UBE2QL1: variants seen among roughly 807,000 people sequenced by gnomAD.
UBE2QL1 encodes the protein ubiquitin-conjugating enzyme E2Q-like protein 1.
Under a neutral mutation model 12.6 loss-of-function variants are expected in UBE2QL1, and 5 were observed. The ratio of observed to expected loss-of-function variants is 0.40; its 90% confidence interval spans 0.21 to 0.83. The LOEUF (loss-of-function observed/expected upper bound fraction) is 0.83. Ranked by LOEUF, UBE2QL1 falls within the 40% of genes least tolerant of loss-of-function variation. The pLI, the probability that UBE2QL1 is intolerant of heterozygous loss-of-function variation, is 0.37. For synonymous variants in UBE2QL1, 96 were observed against 94.5 expected (o/e 1.02, Z -0.10); for missense variants, 99 against 222.6 (o/e 0.44, Z 3.53).
intron 1 of UBE2QL1, among the ~76,000 whole-genome samples, chr5:6,470,862 A>G (rs1739900618): frequency 6.6e-6 from 1 of 152,182 alleles, no homozygotes; most frequent in African/African-American, 2.4e-5. Flanking sequence ...AACACCCTCC[A>G]TATTGATTGG....
At chr5:6,489,214 C>A (rs1262212725) in intron 1 of UBE2QL1, among the ~76,000 whole-genome samples, 1 of 152,076 alleles carries the variant, frequency 6.6e-6, no homozygotes, top group African/African-American at 2.4e-5. Flanking sequence ...CACTTGAGAC[C>A]AGGAGTCCAA....
Position 6,480,889 on chromosome 5 carries a change from C to T in UBE2QL1, c.355-10329C>T, listed in dbSNP as rs117697141. Among the ~76,000 whole-genome samples the T allele has an allele frequency of 2.2e-4, 33 of 152,194 alleles. No individual in the cohort carries two copies. The East Asian group carries it at 4.8e-3, about 22-fold the overall frequency. ...TCTGAGTGCCGGCATTTCCTAATAC[C>T]CTGCTTGACGTCTGTGGGGTGGCAA... On this transcript the variant is annotated intron_variant, in intron 1 of 1. Coordinates refer to ENST00000399816, the MANE Select transcript of UBE2QL1 (RefSeq NM_001145161.3).
intron 1 of UBE2QL1, among the ~76,000 whole-genome samples, chr5:6,485,148 C>T (rs1326300409): frequency 2.0e-5 from 3 of 152,194 alleles, no homozygotes; most frequent in South Asian, 4.2e-4. Flanking sequence ...ATGCATTACT[C>T]GTGCACATGC....
At chr5:6,483,445 G>GA (rs36031775) in intron 1 of UBE2QL1, among the ~76,000 whole-genome samples, 66 of 145,412 alleles carry the variant, frequency 4.5e-4, no homozygotes, top group South Asian at 4.4e-4. Flanking sequence ...TCTAAAATAA[G>GA]AAAAAAAAAA....
chr5:6,468,402 C>A (rs995907718), intron 1 of UBE2QL1, among the ~76,000 whole-genome samples: 1 of 152,112 alleles, frequency 6.6e-6, no homozygotes, highest in African/African-American at 2.4e-5. Context: ...AGAGGGCAAC[C>A]GGCAAAGTGA....
chr5:6,488,186 A>C (rs1158944331), intron 1 of UBE2QL1, among the ~76,000 whole-genome samples: 1 of 152,230 alleles, frequency 6.6e-6, no homozygotes, highest in Non-Finnish European at 1.5e-5. Context: ...ACTAAGCACT[A>C]GGGCTTTCTG....
At chr5:6,457,552 T>G (rs1480816911) in intron 1 of UBE2QL1, among the ~76,000 whole-genome samples, 1 of 135,978 alleles carries the variant, frequency 7.4e-6, no homozygotes, top group Non-Finnish European at 1.5e-5. Flanking sequence ...TTTTGCCCCT[T>G]CTTGCGATGC....
At chr5:6,449,459 T>A (rs929124741) in intron 1 of UBE2QL1, among the ~76,000 whole-genome samples, 4 of 152,040 alleles carry the variant, frequency 2.6e-5, no homozygotes, top group African/African-American at 9.7e-5. Flanking sequence ...CCGTCCCGTC[T>A]CTCCCGTCCC....
chr5:6,450,094 C>CT (rs1739383942), intron 1 of UBE2QL1, among the ~76,000 whole-genome samples: 1 of 149,736 alleles, frequency 6.7e-6, no homozygotes. Flanking sequence ...AGACCCCCCC[C>CT]CCCCACGGCA....
Position 6,476,481 on chromosome 5 carries a change from C to T in UBE2QL1, c.355-14737C>T, listed in dbSNP as rs978095885. ...GGGTCAGGGTTGCTGCAGGAAGAAGCTTTGCCAGGGCTGTGCTGTCCTGAC... is the reference window on the plus strand; with the variant it reads ...GGGTCAGGGTTGCTGCAGGAAGAAGTTTTGCCAGGGCTGTGCTGTCCTGAC... On this transcript the variant is annotated intron_variant, in intron 1 of 1. Transcript: ENST00000399816. This position sits in a 1 kb window ranked among gnomAD's most constrained non-coding sequence, Gnocchi z 4.9. Among the ~76,000 whole-genome samples the T allele has an allele frequency of 7.2e-5, 11 of 152,178 alleles. No homozygotes were observed. The highest frequency in any genetic ancestry group is 2.9e-5 in the Non-Finnish European group (2 of 68,038).
chr5:6,470,024 C>T (rs530172208), intron 1 of UBE2QL1, among the ~76,000 whole-genome samples: 8 of 152,262 alleles, frequency 5.3e-5, no homozygotes, highest in East Asian at 1.9e-4. Flanking sequence ...ACAGCGATGC[C>T]GGGGCCGCAG....
intron 1 of UBE2QL1, among the ~76,000 whole-genome samples, chr5:6,463,025 C>T (rs532980625): frequency 2.6e-5 from 4 of 152,302 alleles, no homozygotes; most frequent in South Asian, 2.1e-4. Context: ...TCCACTTCTT[C>T]GCTACTGACT....
intron 1 of UBE2QL1, among the ~76,000 whole-genome samples, chr5:6,450,936 G>A (rs1336703315): frequency 6.6e-6 from 1 of 152,222 alleles, no homozygotes; most frequent in Non-Finnish European, 1.5e-5. Flanking sequence ...CAAGCATGGG[G>A]GGTAGGGGAT....
chr5:6,449,854 C>A (rs1277241797), intron 1 of UBE2QL1, among the ~76,000 whole-genome samples: 1 of 135,152 alleles, frequency 7.4e-6, no homozygotes, highest in South Asian at 2.5e-4. Flanking sequence ...CCTAGCTGAT[C>A]TCCCACCTCC....
chr5:6,485,289 T>C (rs1474882376), intron 1 of UBE2QL1, among the ~76,000 whole-genome samples: 1 of 152,216 alleles, frequency 6.6e-6, no homozygotes, highest in Non-Finnish European at 1.5e-5. Context: ...TTCAGTGTCA[T>C]TGATCTGATT....
At chr5:6,475,104 C>A (rs1194265777) in intron 1 of UBE2QL1, among the ~76,000 whole-genome samples, 1 of 152,186 alleles carries the variant, frequency 6.6e-6, no homozygotes, top group East Asian at 1.9e-4. Flanking sequence ...GAATTATTTT[C>A]TTTAGCTATT....
In UBE2QL1 at chr5:6,493,118, C is replaced by T. The variant is rs184843234; in HGVS notation, c.*1769C>T. ...CAGTGTATTAAGAATGCAGGGCCTG[C>T]TCAGCTTCCCTGTGAGTCATAATAG... On this transcript the variant is annotated 3_prime_UTR_variant, in exon 2 of 2. Coordinates refer to ENST00000399816, the MANE Select transcript of UBE2QL1 (RefSeq NM_001145161.3). The T allele has an allele frequency of 6.6e-6, 1 of 152,368 alleles. No individual in the cohort carries two copies. The highest frequency in any genetic ancestry group is 1.9e-4 in the East Asian group (1 of 5,192). 9.4% of individuals were successfully genotyped at this position (152,368 alleles called of 1,614,324 possible).
rs1051977896 is a variant in UBE2QL1 at position 6,476,293 on chromosome 5, C to T, written c.355-14925C>T. 2.0e-5 allele frequency among the ~76,000 whole-genome samples: 3 copies of T among 152,242 alleles called. No individual in the cohort carries two copies. Among genetic ancestry groups the T allele is most frequent in the African/African-American group, 4.8e-5 (2 of 41,466 alleles). On this transcript the variant is annotated intron_variant, in intron 1 of 1. Coordinates refer to ENST00000399816, the MANE Select transcript of UBE2QL1 (RefSeq NM_001145161.3). This position sits in a 1 kb window ranked among gnomAD's most constrained non-coding sequence, Gnocchi z 4.9. ...AGCAGCCAAGGCATAAAGCAGTCAA[C>T]GCGGTGCCCTCAGGGCAAATGCACC...
chr5:6,465,868 C>A (rs1739776942), intron 1 of UBE2QL1, among the ~76,000 whole-genome samples: 1 of 152,228 alleles, frequency 6.6e-6, no homozygotes, highest in Admixed American at 6.5e-5. Flanking sequence ...GCCATTTCTG[C>A]ATTTCCACGT....
Sources: allele counts gnomAD v4.1 joint callset (sites outside exome capture counted in the v4.1 genomes callset), GRCh38; gene constraint gnomAD v4.1.1; non-coding constraint Gnocchi (gnomAD v3.1); transcripts MANE v1.5; gene names NCBI Gene and HGNC (gene_info 2026-07-23, HGNC 2026-07-21).